The following SOX5 variants were observed in gnomAD, a reference collection of about 807,000 sequenced individuals.
SOX5 encodes the protein transcription factor SOX-5.
SOX5 carries 9 observed loss-of-function variants against 92.0 expected under a neutral mutation model. The observed-to-expected ratio is 0.10, with a 90% CI of 0.06 to 0.17. The LOEUF (loss-of-function observed/expected upper bound fraction) is 0.17. Among genes scored for constraint, SOX5 ranks in the 10% least tolerant of loss-of-function variants. The pLI, the probability that SOX5 is intolerant of heterozygous loss-of-function variation, is 1.00. For missense variants in SOX5, 642 were observed against 944.5 expected, an observed-to-expected ratio of 0.68 and a Z score of 4.20; for synonymous variants, 344 against 336.3, an observed-to-expected ratio of 1.02 and a Z score of -0.25.
At position 24,156,736 on chromosome 12, in the gene SOX5, A is replaced by G. The variant is rs139260697; in HGVS notation, c.-2+56607T>C. Among the ~76,000 whole-genome samples, 1,014 of 152,256 alleles carry G rather than the reference A, an allele frequency of 6.7e-3. 15 individuals carry two copies. Among genetic ancestry groups the G allele is most frequent in the African/African-American group, 0.023 (967 of 41,548 alleles). On this transcript the variant is annotated intron_variant, in intron 4 of 4. Transcript: ENST00000446891. ...AATGAGTTCAATGGCTTACTTCTCA[A>G]AAGAAGAGCATAAGTTGTCCATAAT...
chr12:23,617,213 T>C (rs2076672697), intron 8 of SOX5, among the ~76,000 whole-genome samples: 3 of 151,848 alleles, frequency 2.0e-5, no homozygotes, highest in Admixed American at 2.0e-4. Flanking sequence ...TGAAATTTTC[T>C]GCCTTCAGAG....
intron 4 of SOX5, among the ~76,000 whole-genome samples, chr12:23,751,512 A>G (rs1333643859): frequency 6.6e-6 from 1 of 151,866 alleles, no homozygotes; most frequent in Non-Finnish European, 1.5e-5. Context: ...TTTTCAAATC[A>G]TCTAATGTTA....
At chr12:23,828,399 A>G (rs1043143176) in intron 3 of SOX5, among the ~76,000 whole-genome samples, 4 of 152,172 alleles carry the variant, frequency 2.6e-5, no homozygotes, top group Admixed American at 1.3e-4. Flanking sequence ...ATATCTTTCT[A>G]TATCATTTTT....
Position 23,652,353 on chromosome 12 carries a change from T to A in SOX5, c.932-11456A>T, listed in dbSNP as rs75344273. ...AGGCTGTTCCACCTTCCTTCATCCA[T>A]CCCTTCCTTAAATATTGGTATTCCT... On this transcript the variant is annotated intron_variant, in intron 7 of 14. Transcript: ENST00000451604. Among the ~76,000 whole-genome samples, 950 of 152,120 alleles carry A rather than the reference T, an allele frequency of 6.2e-3. 11 individuals are homozygous for A. The highest frequency in any genetic ancestry group is 0.021 in the African/African-American group (892 of 41,532).
intron 4 of SOX5, among the ~76,000 whole-genome samples, chr12:24,162,770 T>A (rs372226934): frequency 1.3e-5 from 2 of 152,084 alleles, no homozygotes; most frequent in Non-Finnish European, 2.9e-5. Flanking sequence ...ACCTATTTTG[T>A]CCTGTGGAAT....
chr12:24,485,401 G>C (rs1403888336), intron 1 of SOX5, among the ~76,000 whole-genome samples: 1 of 152,104 alleles, frequency 6.6e-6, no homozygotes, highest in Non-Finnish European at 1.5e-5. Context: ...TAAAAGCACA[G>C]AATTGTCCAA....
intron 1 of SOX5, among the ~76,000 whole-genome samples, chr12:23,905,880 C>A (rs80037148): frequency 0.023 from 3,479 of 152,220 alleles, 116 homozygotes; most frequent in African/African-American, 0.078. Context: ...TACCTTCGAT[C>A]ATTAAAAATT....
intron 1 of SOX5, among the ~76,000 whole-genome samples, chr12:24,410,915 C>T (rs763790403): frequency 6.6e-6 from 1 of 152,156 alleles, no homozygotes; most frequent in African/African-American, 2.4e-5. Flanking sequence ...GAACTGCCAT[C>T]TTTGCCATGT....
chr12:24,528,624 G>A (rs1950918325), intron 1 of SOX5, among the ~76,000 whole-genome samples: 1 of 152,218 alleles, frequency 6.6e-6, no homozygotes, highest in African/African-American at 2.4e-5. Flanking sequence ...TGGCCAAATG[G>A]TAGCCAGCCC....
intron 1 of SOX5, among the ~76,000 whole-genome samples, chr12:23,948,600 C>CT (rs879891525): frequency 1.5e-3 from 214 of 141,532 alleles, no homozygotes; most frequent in Middle Eastern, 7.1e-3. Context: ...CTTTTTTTAG[C>CT]TTTTTTTTTT....
intron 1 of SOX5, among the ~76,000 whole-genome samples, chr12:24,520,503 T>TA (rs11369294): frequency 0.31 from 46,228 of 147,552 alleles, 9,236 homozygotes; most frequent in Non-Finnish European, 0.45. Flanking sequence ...AGATAAACAG[T>TA]AAAAAAAAAC....
At chr12:24,317,960 C>G (rs149973010) in intron 2 of SOX5, among the ~76,000 whole-genome samples, 9,876 of 152,200 alleles carry the variant, frequency 0.065, 375 homozygotes, top group Non-Finnish European at 0.079. Context: ...CCTGTAATCC[C>G]GGCACTTTGG....
At chr12:24,139,857 T>C (rs1037953750) in intron 4 of SOX5, among the ~76,000 whole-genome samples, 1 of 152,128 alleles carries the variant, frequency 6.6e-6, no homozygotes, top group African/African-American at 2.4e-5. Flanking sequence ...CACCAGTGCA[T>C]TACCTGCCTG....
At chr12:24,156,824 C>T (rs1952225164) in intron 4 of SOX5, among the ~76,000 whole-genome samples, 1 of 152,004 alleles carries the variant, frequency 6.6e-6, no homozygotes, top group Non-Finnish European at 1.5e-5. Flanking sequence ...AAAATCTATG[C>T]ATGGAATAGT....
intron 4 of SOX5, among the ~76,000 whole-genome samples, chr12:23,956,369 G>A (rs1447502361): frequency 6.6e-6 from 1 of 152,146 alleles, no homozygotes; most frequent in Non-Finnish European, 1.5e-5. Context: ...CAGGAGGTGA[G>A]CAGTGGGCAT....
At chr12:23,571,125 G>C (rs1222117588) in intron 10 of SOX5, among the ~76,000 whole-genome samples, 1 of 148,200 alleles carries the variant, frequency 6.7e-6, no homozygotes, top group East Asian at 2.0e-4. Flanking sequence ...CTCCAGCCGG[G>C]ACAACAGAAA....
At chr12:23,795,402 T>C (rs879873447) in intron 3 of SOX5, among the ~76,000 whole-genome samples, 1 of 152,130 alleles carries the variant, frequency 6.6e-6, no homozygotes, top group Admixed American at 6.6e-5. Context: ...TTTAAATACA[T>C]TTTCCCCTTT....
chr12:23,570,537 G>C (rs967117641), intron 10 of SOX5, among the ~76,000 whole-genome samples: 10 of 151,936 alleles, frequency 6.6e-5, no homozygotes, highest in East Asian at 1.9e-4. Flanking sequence ...CAGCACTTTG[G>C]GGGGCTGACG....
chr12:24,295,187 T>A (rs996549931), intron 2 of SOX5, among the ~76,000 whole-genome samples: 1 of 152,064 alleles, frequency 6.6e-6, no homozygotes, highest in Admixed American at 6.5e-5. Context: ...AACATAAGTA[T>A]ATATGAGAAA....
Sources: allele counts gnomAD v4.1 joint callset (sites outside exome capture counted in the v4.1 genomes callset), GRCh38; gene constraint gnomAD v4.1.1; transcripts MANE v1.5; gene names NCBI Gene and HGNC (gene_info 2026-07-23, HGNC 2026-07-21).